The following HS1BP3 variants were observed in gnomAD, a reference collection of about 807,000 sequenced individuals.
HS1BP3 encodes HCLS1-binding protein 3.
A neutral mutation model predicts 33.5 loss-of-function variants in HS1BP3; 32 were observed. The observed-to-expected ratio is 0.95, with a 90% CI of 0.72 to 1.28. The LOEUF is 1.28. Ranked by LOEUF, HS1BP3 falls within the 50% of genes most tolerant of loss-of-function variation. The pLI, the probability that HS1BP3 is intolerant of heterozygous loss-of-function variation, is 0.00. For synonymous variants in HS1BP3, 187 were observed against 209.2 expected, an observed-to-expected ratio of 0.89 and a Z score of 0.92; for missense variants, 486 against 502.3, an observed-to-expected ratio of 0.97 and a Z score of 0.31.
At chr2:20,594,791 C>T (rs1484060226) in intron 3 of HS1BP3, among the ~76,000 whole-genome samples, 3 of 152,306 alleles carry the variant, frequency 2.0e-5, no homozygotes, top group African/African-American at 4.8e-5. Flanking sequence ...GCTTCGGTGT[C>T]TGGGAGGGCT....
At chr2:20,555,571 C>T (rs1692822261), downstream of HS1BP3, among the ~76,000 whole-genome samples, 1 of 152,102 alleles carries the variant, frequency 6.6e-6, no homozygotes, top group African/African-American at 2.4e-5. Flanking sequence ...GACGAAAGCC[C>T]CAGAGGGAGG....
rs150865330 is a variant in HS1BP3, at chr2:20,573,019, C to T, written c.303-12504G>A. Among the ~76,000 whole-genome samples the T allele has an allele frequency of 3.3e-3, 506 of 152,298 alleles. 3 individuals carry two copies. Among genetic ancestry groups the T allele is most frequent in the African/African-American group, 0.011 (475 of 41,550 alleles). On this transcript the variant is annotated intron_variant, in intron 5 of 5. Transcript: ENST00000446825. ...GGTAGGCAGAATACTACCAAAAGTA[C>T]CCCCAAGATAACAGACTCTAATCCC...
chr2:20,627,907 G>A (rs942652838), intron 4 of HS1BP3, among the ~76,000 whole-genome samples: 10 of 152,198 alleles, frequency 6.6e-5, no homozygotes, highest in African/African-American at 1.7e-4. Context: ...GAGGATGCGC[G>A]ATGGATGGAG....
chr2:20,639,224 G>C (rs1371305810), intron 3 of HS1BP3, among the ~76,000 whole-genome samples: 1 of 152,226 alleles, frequency 6.6e-6, no homozygotes, highest in Admixed American at 6.5e-5. Flanking sequence ...TTACAAACTG[G>C]CTTAGATGAG....
intron 5 of HS1BP3, among the ~76,000 whole-genome samples, chr2:20,582,840 C>T (rs1693566812): frequency 1.3e-5 from 2 of 152,152 alleles, no homozygotes; most frequent in Non-Finnish European, 2.9e-5. Flanking sequence ...GCTGGGTCTC[C>T]TCTTCCCTGA....
rs369949630 is a variant in HS1BP3 at position 20,641,293 on chromosome 2, C to T, written c.199-113G>A. 3,482 of 905,778 alleles carry T rather than the reference C, an allele frequency of 3.8e-3. 11 individuals are homozygous for T. Among genetic ancestry groups the T allele is most frequent in the Non-Finnish European group, 4.8e-3 (2,789 of 582,068 alleles). The allele number at this position is 905,778 out of a possible 1,614,324, so 56.1% of individuals were successfully genotyped here. On this transcript the variant is annotated intron_variant, in intron 2 of 6. Coordinates refer to ENST00000304031, the MANE Select transcript of HS1BP3 (RefSeq NM_022460.4). ...GCAGCCAAAGGAAGTGTGCCAGGTA[C>T]GCCCGCCTGCTGCCCCTCTGCCTGT...
chr2:20,597,300 G>A (rs1693964162), intron 3 of HS1BP3, among the ~76,000 whole-genome samples: 1 of 152,186 alleles, frequency 6.6e-6, no homozygotes, highest in South Asian at 2.1e-4. Context: ...GGCAGCCTTG[G>A]ACTAGCAAAG....
At chr2:20,596,215 T>G (rs56320813) in intron 3 of HS1BP3, among the ~76,000 whole-genome samples, 1,959 of 152,324 alleles carry the variant, frequency 0.013, 25 homozygotes, top group Middle Eastern at 0.037. Context: ...CCTTGGCCCT[T>G]TAGTATTTTG....
intron 5 of HS1BP3, among the ~76,000 whole-genome samples, chr2:20,561,901 C>T (rs1055724427): frequency 6.6e-6 from 1 of 152,146 alleles, no homozygotes; most frequent in Admixed American, 6.5e-5. Flanking sequence ...AAGGTTGGGA[C>T]TTCTAACCCT....
At chr2:20,617,781 A>C (rs943520718), downstream of HS1BP3, 8 of 152,442 alleles carry the variant, frequency 5.2e-5, no homozygotes, top group African/African-American at 1.9e-4. Context: ...AAAACAAAAA[A>C]CTAGCTCTGA....
chr2:20,619,271 G>T, intron 6 of HS1BP3, 26 bp from the exon 7 acceptor site: 1 of 1,550,308 alleles, frequency 6.5e-7, no homozygotes, highest in South Asian at 1.2e-5. Context: ...GAGGAACCCT[G>T]AGCATAACAC....
In HS1BP3 at chr2:20,641,163, G is replaced by T; in HGVS notation, c.216C>A (p.Ser72Arg). Residue 72 changes from serine to arginine, a missense_variant, in exon 3 of 7, where the codon AGC (serine) becomes AGA (arginine). Physicochemically the swap from Ser to Arg is moderately radical, Grantham distance 110. Coordinates refer to ENST00000304031, the MANE Select transcript of HS1BP3 (RefSeq NM_022460.4). ...GTTTCTGGTAAAACTCCTCAATCTC[G>T]CTGTACTTTTTGGAGACCTGGAATG... ...VVQFLVSKKY[S>R]EIEEFYQKLS... is the part of the protein sequence containing the mutation. The T allele has an allele frequency of 6.2e-7, 1 of 1,606,702 alleles. No homozygotes were observed. Among genetic ancestry groups the T allele is most frequent in the Non-Finnish European group, 8.5e-7 (1 of 1,179,890 alleles).
At chr2:20,623,739 C>T (rs1694677414) in intron 6 of HS1BP3, 157 bp downstream of exon 6, 2 of 801,500 alleles carry the variant, frequency 2.5e-6, no homozygotes, top group African/African-American at 3.5e-5. Context: ...CCTTCACCGC[C>T]TCTCACCCAA....
intron 2 of HS1BP3, among the ~76,000 whole-genome samples, chr2:20,642,064 G>A (rs1290232440): frequency 1.3e-5 from 2 of 152,108 alleles, no homozygotes; most frequent in Non-Finnish European, 2.9e-5. Context: ...ATCACCTGCT[G>A]TATGCACACA....
chr2:20,606,266 TTGG>T, intron 2 of HS1BP3: 1 of 313,952 alleles, frequency 3.2e-6, no homozygotes, highest in South Asian at 3.8e-5. Context: ...AAATGTACAG[TTGG>T]TTGGACCTGT....
chr2:20,587,638 C>T (rs1045187862), downstream of HS1BP3, among the ~76,000 whole-genome samples: 56 of 152,088 alleles, frequency 3.7e-4, 1 homozygote, highest in African/African-American at 1.3e-3. Flanking sequence ...ACTGTGCACT[C>T]GGGAGGCCGA....
At chr2:20,587,585 G>A (rs548231708) in intron 5 of HS1BP3, among the ~76,000 whole-genome samples, 9 of 152,182 alleles carry the variant, frequency 5.9e-5, no homozygotes, top group Non-Finnish European at 8.8e-5. Context: ...TGGTAGGTCA[G>A]TGGCCCAGAA....
chr2:20,579,076 T>C (rs1693468455), intron 5 of HS1BP3, among the ~76,000 whole-genome samples: 1 of 152,226 alleles, frequency 6.6e-6, no homozygotes, highest in Non-Finnish European at 1.5e-5. Context: ...CAGTCCTCCC[T>C]GGGGCACTCC....
rs34051285 is a variant in HS1BP3, at chr2:20,638,513, G to T, written c.546C>A (p.Pro182=). The change falls in exon 4 of 7, where the codon CCC becomes CCA. Residue 182 remains proline (P), a synonymous_variant. Transcript: ENST00000304031. Reference sequence around the variant, plus strand: ...CATCCTCGCCCTTCAGGCTCTGGACGGGCGGACCCTCTTCTGCCACTTGGT... The same window carrying T: ...CATCCTCGCCCTTCAGGCTCTGGACTGGCGGACCCTCTTCTGCCACTTGGT... The part of the protein sequence containing the change: ...EQDQVAEEGP[P]VQSLKGEDAE... 1.2e-6 allele frequency: 2 copies of T among 1,614,244 alleles called. No individual in the cohort carries two copies. The highest frequency in any genetic ancestry group is 1.7e-6 in the Non-Finnish European group (2 of 1,180,052).
Sources: gnomAD v4.1 joint callset for allele counts (sites outside exome capture counted in the v4.1 genomes callset) on GRCh38, gnomAD v4.1.1 for gene constraint, MANE v1.5 for transcripts, NCBI Gene and HGNC (gene_info 2026-07-23, HGNC 2026-07-21) for gene names.